USH2A: variants seen among roughly 807,000 people sequenced by gnomAD.
USH2A encodes the protein usherin, also known as Usher syndrome 2A (autosomal recessive, mild).
USH2A carries 443 observed loss-of-function variants against 538.9 expected under a neutral mutation model. The ratio of observed to expected loss-of-function variants is 0.82; its 90% CI spans 0.76 to 0.89. The LOEUF (loss-of-function observed/expected upper bound fraction) is 0.89. Among genes scored for constraint, USH2A ranks in the 40% least tolerant of loss-of-function variants. USH2A has a pLI of 0.00. For synonymous variants in USH2A, 2,413 were observed against 2,273.5 expected (o/e 1.06, Z -1.75); for missense variants, 6,633 against 6,324.8 (o/e 1.05, Z -1.65).
intron 9 of USH2A, among the ~76,000 whole-genome samples, chr1:216,318,778 T>A (rs2037552911): frequency 6.6e-6 from 1 of 152,206 alleles, no homozygotes; most frequent in African/African-American, 2.4e-5. Flanking sequence ...AAATTATAGT[T>A]AATTAATTCA....
At chr1:216,060,571 C>G (rs2031144067) in intron 30 of USH2A, among the ~76,000 whole-genome samples, 1 of 152,078 alleles carries the variant, frequency 6.6e-6, no homozygotes, top group African/African-American at 2.4e-5. Flanking sequence ...CAAACTATAG[C>G]AAATAGTAAG....
At chr1:215,963,956 G>C (rs1328055761) in intron 37 of USH2A, among the ~76,000 whole-genome samples, 1 of 152,098 alleles carries the variant, frequency 6.6e-6, no homozygotes, top group Non-Finnish European at 1.5e-5. Context: ...GCCGAGAACA[G>C]AATACATTTT....
chr1:215,939,350 T>G (rs1313447011), intron 37 of USH2A, among the ~76,000 whole-genome samples: 1 of 152,182 alleles, frequency 6.6e-6, no homozygotes, highest in Non-Finnish European at 1.5e-5. Flanking sequence ...TGAAAAAGGT[T>G]AATTCATTCA....
intron 21 of USH2A, among the ~76,000 whole-genome samples, chr1:216,112,372 G>GA (rs747802659): frequency 6.6e-6 from 1 of 151,860 alleles, no homozygotes; most frequent in African/African-American, 2.4e-5. Flanking sequence ...AATACCTGAG[G>GA]AAAAAAACAA....
At chr1:215,800,331 C>G (rs985862879) in intron 49 of USH2A, among the ~76,000 whole-genome samples, 14 of 152,276 alleles carry the variant, frequency 9.2e-5, no homozygotes, top group African/African-American at 3.4e-4. Flanking sequence ...ACCTTCTTCC[C>G]TTTTCTCTAC....
chr1:216,109,493 G>A (rs1364818453), intron 21 of USH2A, among the ~76,000 whole-genome samples: 1 of 152,114 alleles, frequency 6.6e-6, no homozygotes, highest in East Asian at 1.9e-4. Flanking sequence ...CTTGCTCCTT[G>A]ACAGACTCAT....
chr1:216,236,030 T>A (rs1405828915), intron 13 of USH2A, among the ~76,000 whole-genome samples: 1 of 152,148 alleles, frequency 6.6e-6, no homozygotes, highest in African/African-American at 2.4e-5. Context: ...AAAACAATAA[T>A]AATTTTCCTC....
chr1:216,081,556 A>G (rs2031941055), intron 26 of USH2A, among the ~76,000 whole-genome samples: 1 of 152,036 alleles, frequency 6.6e-6, no homozygotes, highest in African/African-American at 2.4e-5. Flanking sequence ...CAAGCACATA[A>G]TAGGCACTCC....
chr1:215,936,011 C>G (rs1307125386), intron 37 of USH2A, among the ~76,000 whole-genome samples: 1 of 151,982 alleles, frequency 6.6e-6, no homozygotes, highest in African/African-American at 2.4e-5. Flanking sequence ...TGTCACTGCA[C>G]TCCAGCTTGG....
chr1:215,988,211 A>G (rs529023038), intron 35 of USH2A, among the ~76,000 whole-genome samples: 1 of 152,200 alleles, frequency 6.6e-6, no homozygotes, highest in East Asian at 1.9e-4. Flanking sequence ...AGACCTTGGT[A>G]ACCGTAATTC....
intron 27 of USH2A, among the ~76,000 whole-genome samples, chr1:216,076,491 T>A (rs2031755152): frequency 6.6e-6 from 1 of 152,124 alleles, no homozygotes; most frequent in African/African-American, 2.4e-5. Flanking sequence ...AGAACAAGGC[T>A]GTACATGCAG....
At chr1:216,032,370 T>C (rs1434238824) in intron 32 of USH2A, among the ~76,000 whole-genome samples, 2 of 152,146 alleles carry the variant, frequency 1.3e-5, no homozygotes, top group Non-Finnish European at 2.9e-5. Context: ...TTATACTAAA[T>C]CCCTAAAGTA....
chr1:216,394,718 G>GCCTTTTTTT (rs79688881), intron 3 of USH2A, among the ~76,000 whole-genome samples: 3 of 58,710 alleles, frequency 5.1e-5, no homozygotes, highest in Non-Finnish European at 1.3e-4. Flanking sequence ...AACTGGTCCA[G>GCCTTTTTTT]TCTTTTTTTT....
intron 67 of USH2A, among the ~76,000 whole-genome samples, chr1:215,646,414 C>A (rs967271803): frequency 6.9e-6 from 1 of 143,896 alleles, no homozygotes; most frequent in South Asian, 2.4e-4. Flanking sequence ...AAAGCATATA[C>A]CTTATAAAAT....
intron 71 of USH2A, 109 bp from the exon 72 acceptor site, chr1:215,625,979 T>C (rs1165116553): frequency 9.1e-7 from 1 of 1,099,930 alleles, no homozygotes; most frequent in Non-Finnish European, 1.4e-6. Flanking sequence ...ATTAAAGGCT[T>C]TTTTATTCTC....
At chr1:215,878,577 T>C (rs1451063951) in intron 42 of USH2A, among the ~76,000 whole-genome samples, 187 bp downstream of exon 42, 1 of 152,208 alleles carries the variant, frequency 6.6e-6, no homozygotes, top group Non-Finnish European at 1.5e-5. Context: ...TTCAAATTGA[T>C]AAACTTTGAT....
intron 38 of USH2A, among the ~76,000 whole-genome samples, chr1:215,912,498 T>TACAC (rs1558158044): frequency 8.7e-5 from 2 of 22,932 alleles, no homozygotes; most frequent in African/African-American, 2.9e-4. Flanking sequence ...TATGTGTATA[T>TACAC]ATATATATAT....
intron 35 of USH2A, among the ~76,000 whole-genome samples, chr1:215,985,329 CAA>C (rs1251001445): frequency 6.6e-6 from 1 of 152,076 alleles, no homozygotes; most frequent in Non-Finnish European, 1.5e-5. Context: ...GTAAAAGTAA[CAA>C]AATTTTGTTT....
In USH2A at chr1:215,628,883, G is replaced by A. The variant is rs775571424; in HGVS notation, c.15450C>T (p.Asp5150=). The A allele has an allele frequency of 5.0e-6, 8 of 1,614,170 alleles. No individual in the cohort carries two copies. The highest frequency in any genetic ancestry group is 3.3e-4 in the Middle Eastern group (2 of 6,054). The change falls in exon 71 of 72, where the codon GAC becomes GAT. Residue 5150 remains aspartate (D), a synonymous_variant. Coordinates refer to ENST00000307340, the MANE Select transcript of USH2A (RefSeq NM_206933.4). ...CCATCAAGACTTTCTTGTCTTGAATGTCCATGAGCTGGCTGACGCTGCGGT... is the reference window on the plus strand; with the variant it reads ...CCATCAAGACTTTCTTGTCTTGAATATCCATGAGCTGGCTGACGCTGCGGT... The part of the protein sequence containing the change: ...SLHRSVSQLM[D]IQDKKVLMDN...
Sources: allele counts gnomAD v4.1 joint callset (sites outside exome capture counted in the v4.1 genomes callset), GRCh38; gene constraint gnomAD v4.1.1; transcripts MANE v1.5; gene names NCBI Gene and HGNC (gene_info 2026-07-23, HGNC 2026-07-21).